Variants in MAST4 observed in about 807,000 individuals in gnomAD.
The protein encoded by MAST4 is microtubule-associated serine/threonine-protein kinase 4.
A neutral mutation model predicts 162.7 loss-of-function variants in MAST4; 89 were observed. That is an observed-to-expected ratio of 0.55 (90% CI 0.46 to 0.65). MAST4 has a LOEUF of 0.65. Ranked by LOEUF, MAST4 falls within the 30% of genes least tolerant of loss-of-function variation. The pLI, the probability that MAST4 is intolerant of heterozygous loss-of-function variation, is 0.00. For synonymous variants in MAST4, 1,479 were observed against 1,361.1 expected (o/e 1.09, Z -1.91); for missense variants, 3,153 against 3,374.0 (o/e 0.93, Z 1.62).
chr5:66,852,212 A>G (rs559232804), intron 3 of MAST4, among the ~76,000 whole-genome samples: 50 of 152,248 alleles, frequency 3.3e-4, no homozygotes, highest in Non-Finnish European at 5.7e-4. Context: ...CCGTGGTGCA[A>G]TCATGACTTA....
chr5:66,990,434 A>G (rs1749950758), intron 4 of MAST4, among the ~76,000 whole-genome samples: 1 of 152,174 alleles, frequency 6.6e-6, no homozygotes, highest in Non-Finnish European at 1.5e-5. Flanking sequence ...CCAGGAGGTC[A>G]AGACCACCCT....
At chr5:67,090,274 GA>G (rs1763684599) in intron 6 of MAST4, 43 bp downstream of exon 6, 1 of 1,488,520 alleles carries the variant, frequency 6.7e-7, no homozygotes, top group Non-Finnish European at 9.3e-7. Flanking sequence ...CTTATAGAGA[GA>G]ATCCCATTTT....
intron 6 of MAST4, chr5:67,094,111 T>C (rs1764158627): frequency 1.5e-6 from 2 of 1,308,774 alleles, no homozygotes; most frequent in Admixed American, 2.1e-5. Flanking sequence ...ACTTTGCTTC[T>C]TTTTTTTAAC....
At chr5:66,798,328 A>G (rs753908184) in intron 3 of MAST4, among the ~76,000 whole-genome samples, 11 of 152,278 alleles carry the variant, frequency 7.2e-5, no homozygotes, top group Non-Finnish European at 1.5e-4. Flanking sequence ...GTCTTCAATA[A>G]TGAGTGCTAA....
chr5:67,023,298 C>G (rs1033531467), intron 4 of MAST4, among the ~76,000 whole-genome samples: 3 of 152,162 alleles, frequency 2.0e-5, no homozygotes, highest in African/African-American at 7.2e-5. Context: ...AAACTTCTTA[C>G]GTTGTAGGTC....
chr5:66,795,380 A>G (rs1420956533), intron 3 of MAST4, among the ~76,000 whole-genome samples: 1 of 152,100 alleles, frequency 6.6e-6, no homozygotes, highest in African/African-American at 2.4e-5. Context: ...GTCCTTATTC[A>G]CCTCTAATGA....
intron 7 of MAST4, among the ~76,000 whole-genome samples, chr5:67,100,029 T>C (rs1179552949): frequency 2.0e-5 from 3 of 152,172 alleles, no homozygotes; most frequent in South Asian, 2.1e-4. Flanking sequence ...TATTTCATGT[T>C]ATTTACCTAA....
chr5:66,843,966 G>T (rs1446405640), intron 3 of MAST4, among the ~76,000 whole-genome samples: 1 of 152,184 alleles, frequency 6.6e-6, no homozygotes, highest in Admixed American at 6.5e-5. Context: ...TGCTGGCGGG[G>T]ATAGTGGTGG....
chr5:66,847,129 G>A (rs1758911274), intron 3 of MAST4, among the ~76,000 whole-genome samples: 1 of 152,218 alleles, frequency 6.6e-6, no homozygotes, highest in Non-Finnish European at 1.5e-5. Context: ...GTAGTGCCAT[G>A]AAAAGTAGGG....
chr5:66,911,181 C>T (rs971917702), intron 4 of MAST4, among the ~76,000 whole-genome samples: 1 of 152,144 alleles, frequency 6.6e-6, no homozygotes, highest in African/African-American at 2.4e-5. Flanking sequence ...TCCCAGTGGC[C>T]GTGTGAGCTC....
intron 4 of MAST4, among the ~76,000 whole-genome samples, chr5:67,001,166 G>A (rs1751253188): frequency 2.0e-5 from 3 of 152,170 alleles, no homozygotes; most frequent in South Asian, 2.1e-4. Flanking sequence ...TATAGTTTCT[G>A]CCCATATAAT....
intron 4 of MAST4, among the ~76,000 whole-genome samples, chr5:66,966,366 TG>T (rs1746731537): frequency 6.6e-6 from 1 of 152,086 alleles, no homozygotes; most frequent in African/African-American, 2.4e-5. Flanking sequence ...AATAAATGAG[TG>T]AATAAGAAAT....
At chr5:66,824,961 GTGAA>G (rs1186172133) in intron 3 of MAST4, among the ~76,000 whole-genome samples, 3 of 152,174 alleles carry the variant, frequency 2.0e-5, no homozygotes, top group Admixed American at 2.0e-4. Context: ...TGAGTGGTGA[GTGAA>G]TGTGAAGGCC....
At chr5:66,844,039 T>A (rs902867635) in intron 3 of MAST4, among the ~76,000 whole-genome samples, 7 of 152,032 alleles carry the variant, frequency 4.6e-5, no homozygotes, top group African/African-American at 1.5e-4. Context: ...TTCATTATAA[T>A]AGCCCTTCCC....
intron 3 of MAST4, among the ~76,000 whole-genome samples, chr5:66,860,749 G>A (rs1354285885): frequency 4.4e-5 from 6 of 136,604 alleles, no homozygotes; most frequent in South Asian, 4.9e-4. Context: ...CTTCCCAGCC[G>A]CGAACTTAAA....
chr5:66,799,907 C>T (rs1253559294), intron 3 of MAST4, among the ~76,000 whole-genome samples: 1 of 151,944 alleles, frequency 6.6e-6, no homozygotes, highest in East Asian at 1.9e-4. Context: ...ATTAATAGTA[C>T]CTATCTCATG....
chr5:66,807,235 G>A (rs1412092306), intron 3 of MAST4, among the ~76,000 whole-genome samples: 2 of 152,148 alleles, frequency 1.3e-5, no homozygotes, highest in Admixed American at 6.5e-5. Context: ...GGTGGCTCAC[G>A]CCTGTAATCC....
chr5:66,867,434 A>G (rs990797368), intron 3 of MAST4, among the ~76,000 whole-genome samples: 2 of 152,326 alleles, frequency 1.3e-5, no homozygotes, highest in Admixed American at 1.3e-4. Context: ...ATGTTAGGGG[A>G]ACAATAATTT....
intron 12 of MAST4, among the ~76,000 whole-genome samples, chr5:67,116,180 T>TTTTGTTTGTTTG (rs57544655): frequency 6.6e-5 from 10 of 150,644 alleles, no homozygotes; most frequent in Non-Finnish European, 1.0e-4. Context: ...CTAAGGCTAG[T>TTTTGTTTGTTTG]TTTGTTTGTT....
Sources: allele counts gnomAD v4.1 joint callset (sites outside exome capture counted in the v4.1 genomes callset), GRCh38; gene constraint gnomAD v4.1.1; transcripts MANE v1.5; gene names NCBI Gene and HGNC (gene_info 2026-07-23, HGNC 2026-07-21).